EPHA4: variants seen among roughly 807,000 people sequenced by gnomAD.
The protein encoded by EPHA4 is ephrin type-A receptor 4.
In EPHA4, 19 loss-of-function variants were observed where a neutral mutation model predicts 108.3. The observed-to-expected ratio is 0.18, with a 90% CI of 0.12 to 0.26. The LOEUF (loss-of-function observed/expected upper bound fraction) is 0.26, where lower values mean the gene tolerates loss of function less well. Ranked by LOEUF, EPHA4 falls within the 10% of genes least tolerant of loss-of-function variation. The probability of loss-of-function intolerance (pLI) is 1.00; values close to 1 mark genes in which losing one functional copy is unlikely to be tolerated. For synonymous variants in EPHA4, 449 were observed against 455.5 expected (o/e 0.99, Z 0.18); for missense variants, 917 against 1,254.0 (o/e 0.73, Z 4.06).
chr2:221,451,625 G>C (rs1690788134), intron 8 of EPHA4, among the ~76,000 whole-genome samples: 1 of 152,146 alleles, frequency 6.6e-6, no homozygotes, highest in African/African-American at 2.4e-5. Context: ...AACTAACCTA[G>C]ATAACAAGTA....
chr2:221,426,480 C>T lies in EPHA4; in HGVS notation c.2830G>A (p.Val944Met). ...AGTACTTACTCCTGGTTCACGTGCA[C>T]CACAGCCTCTAGTGTGGTATAACCA... ...AAGYTTLEAV[V>M]HVNQEDLARI... The change falls in exon 16 of 18, where the codon GTG becomes ATG. Residue 944 changes from valine (V) to methionine (M), a missense_variant. Around this residue, in one of 3 missense-constraint regions of EPHA4, gnomAD observed 133 missense variants for 132.8 expected, o/e 1.00. Coordinates refer to ENST00000281821, the MANE Select transcript of EPHA4 (RefSeq NM_004438.5). The T allele has an allele frequency of 1.2e-6, 2 of 1,609,414 alleles. No homozygotes were observed. The highest frequency in any genetic ancestry group is 1.7e-6 in the Non-Finnish European group (2 of 1,178,902).
At chr2:221,501,968 A>G (rs1692501901) in intron 3 of EPHA4, among the ~76,000 whole-genome samples, 3 of 151,578 alleles carry the variant, frequency 2.0e-5, no homozygotes, top group Admixed American at 2.0e-4. Flanking sequence ...CCCTCTTTCC[A>G]TTTTTCCAGC....
At chr2:221,423,014 C>T (rs554801879) in intron 17 of EPHA4, among the ~76,000 whole-genome samples, 1 of 152,282 alleles carries the variant, frequency 6.6e-6, no homozygotes, top group South Asian at 2.1e-4. Context: ...GTGTGACCCC[C>T]CTACCACTGA....
intron 5 of EPHA4, among the ~76,000 whole-genome samples, chr2:221,470,612 TGC>T (rs1476310237): frequency 6.7e-6 from 1 of 149,074 alleles, no homozygotes; most frequent in South Asian, 2.1e-4. Flanking sequence ...TTAGGGAACC[TGC>T]TTTTCCCTAA....
At chr2:221,422,197 TCTAA>T (rs1689779916) in intron 17 of EPHA4, 1 of 152,206 alleles carries the variant, frequency 6.6e-6, no homozygotes, top group African/African-American at 2.4e-5. Flanking sequence ...AAATCTACCT[TCTAA>T]CTATTTCCTC....
In EPHA4 at chr2:221,425,489, G is replaced by A. The variant is rs1689871927; in HGVS notation, c.*539C>T. 1 of 152,920 alleles carries A rather than the reference G, an allele frequency of 6.5e-6. No homozygotes were observed. The highest frequency in any genetic ancestry group is 2.4e-5 in the African/African-American group (1 of 41,422). The allele number at this position is 152,920 out of a possible 1,614,324, so 9.5% of individuals were successfully genotyped here. On this transcript the variant is annotated 3_prime_UTR_variant, in exon 17 of 18. Coordinates refer to ENST00000281821, the MANE Select transcript of EPHA4 (RefSeq NM_004438.5). ...CACCAGGCGGCTTGAGCACTGAAGA[G>A]GCAACACTAATGAGCCACGTCGCTT...
chr2:221,510,950 C>T (rs769856916), intron 3 of EPHA4, among the ~76,000 whole-genome samples: 16 of 152,166 alleles, frequency 1.1e-4, no homozygotes, highest in Non-Finnish European at 2.1e-4. Flanking sequence ...AGCTCTGCTT[C>T]ATATATGTAT....
chr2:221,446,731 C>A (rs913030365), intron 8 of EPHA4, among the ~76,000 whole-genome samples: 1 of 152,064 alleles, frequency 6.6e-6, no homozygotes, highest in Non-Finnish European at 1.5e-5. Context: ...AATACTTTTG[C>A]GGTCACTGGT....
intron 3 of EPHA4, among the ~76,000 whole-genome samples, chr2:221,560,336 T>C (rs1694424342): frequency 6.6e-6 from 1 of 152,134 alleles, no homozygotes; most frequent in Non-Finnish European, 1.5e-5. Flanking sequence ...TATTCCTTCT[T>C]AAGCTTTCTT....
intron 8 of EPHA4, among the ~76,000 whole-genome samples, chr2:221,449,002 C>G (rs1004356017): frequency 3.0e-4 from 45 of 152,172 alleles, no homozygotes; most frequent in African/African-American, 1.1e-3. Context: ...ACGCCCATCC[C>G]TTCCTCAGAC....
chr2:221,573,290 G>C (rs536188170), upstream of EPHA4: 2 of 152,312 alleles, frequency 1.3e-5, no homozygotes, highest in Non-Finnish European at 2.9e-5. This position sits in a 1 kb window ranked among gnomAD's most constrained non-coding sequence, Gnocchi z 4.5. Flanking sequence ...CGACCTAGCC[G>C]GGGCAGCCCT....
intron 3 of EPHA4, among the ~76,000 whole-genome samples, chr2:221,560,908 T>C (rs1230134693): frequency 6.6e-6 from 1 of 152,186 alleles, no homozygotes; most frequent in African/African-American, 2.4e-5. Context: ...CAACTGTTTT[T>C]ATTATTCCTA....
At chr2:221,536,554 G>A (rs542268727) in intron 3 of EPHA4, among the ~76,000 whole-genome samples, 1 of 152,286 alleles carries the variant, frequency 6.6e-6, no homozygotes, top group South Asian at 2.1e-4. Context: ...CCATAAGGAG[G>A]TAATAATAAG....
upstream of EPHA4, chr2:221,572,380 G>A (rs1426914705): frequency 1.3e-6 from 1 of 747,470 alleles, no homozygotes; most frequent in South Asian, 1.8e-5. Flanking sequence ...GCCAGTCCGG[G>A]GCCCGCGGCC....
At position 221,441,092 on chromosome 2, in the gene EPHA4, C is replaced by T. The variant is rs146970834; in HGVS notation, c.2074+1737G>A. Among the ~76,000 whole-genome samples the T allele has an allele frequency of 1.2e-4, 18 of 152,190 alleles. 1 individual carries two copies. The East Asian group carries it at 2.9e-3, about 24-fold the overall frequency. On this transcript the variant is annotated intron_variant, in intron 11 of 17. Transcript: ENST00000281821. ...CTGAACTGTATAGTGTGTACTTTCT[C>T]TCCCATTTTAGTAACCACCTCATTT...
At position 221,426,609 on chromosome 2, in the gene EPHA4, CA is replaced by C; in HGVS notation, c.2700del (p.Ala901ProfsTer40). On this transcript the variant is annotated frameshift_variant, in exon 16 of 18. Transcript: ENST00000281821. LOFTEE classifies it high-confidence loss of function. Reference protein sequence around the residue: ...RTGTESSRPNTALLDPSSPEF... With the variant: ...RTGTESSRPNXALLDPSSPEF... ...TCAGGGGAGCTTGGATCCAACAAGG[CA>C]GTGTTAGGTCTAGAAAGAGAACAAG... The C allele has an allele frequency of 6.2e-7, 1 of 1,613,292 alleles. No homozygotes were observed. Among genetic ancestry groups the C allele is most frequent in the Non-Finnish European group, 8.5e-7 (1 of 1,179,834 alleles).
intron 4 of EPHA4, among the ~76,000 whole-genome samples, chr2:221,497,756 A>G (rs1692341951): frequency 1.3e-5 from 2 of 152,128 alleles, no homozygotes; most frequent in Admixed American, 1.3e-4. Context: ...TGAAAAAATA[A>G]GTAAGTAAAG....
chr2:221,444,327 C>T (rs1186715300), intron 9 of EPHA4, among the ~76,000 whole-genome samples: 2 of 152,136 alleles, frequency 1.3e-5, no homozygotes, highest in African/African-American at 4.8e-5. Context: ...TTGCCGGCAG[C>T]CCAGTGACAG....
At chr2:221,458,743 G>A (rs555948223) in intron 5 of EPHA4, among the ~76,000 whole-genome samples, 192 of 152,290 alleles carry the variant, frequency 1.3e-3, no homozygotes, top group Non-Finnish European at 2.1e-3. Context: ...CACCCAGGCT[G>A]CCCGATGCTC....
Sources: gnomAD v4.1 joint callset for allele counts (sites outside exome capture counted in the v4.1 genomes callset) on GRCh38, gnomAD v4.1.1 for gene constraint, gnomAD v4.1.1 regional missense constraint, Gnocchi (gnomAD v3.1) non-coding constraint, MANE v1.5 for transcripts, NCBI Gene and HGNC (gene_info 2026-07-23, HGNC 2026-07-21) for gene names.